CDH4: variants seen among roughly 807,000 people sequenced by gnomAD.
The protein encoded by CDH4 is cadherin-4.
Under a neutral mutation model 86.0 loss-of-function variants are expected in CDH4, and 33 were observed. The observed-to-expected ratio is 0.38, with a 90% confidence interval of 0.29 to 0.51. The LOEUF is 0.51. CDH4 is among the 20% of genes least tolerant of loss of function. The probability of loss-of-function intolerance (pLI) is 0.86; values close to 1 mark genes in which losing one functional copy is unlikely to be tolerated. For synonymous variants in CDH4, 555 were observed against 549.4 expected (o/e 1.01, Z -0.14); for missense variants, 1,114 against 1,307.4 (o/e 0.85, Z 2.28).
rs528647478 is a variant in CDH4, at chr20:61,428,611, C to T, written c.169+173674C>T. ...GAACAAACCACTGCCCTTTACCACGCGGACCACAGGTGTGCTGATGATAGG... is the reference window on the plus strand; with the variant it reads ...GAACAAACCACTGCCCTTTACCACGTGGACCACAGGTGTGCTGATGATAGG... On this transcript the variant is annotated intron_variant, in intron 2 of 15. Transcript: ENST00000614565. Among the ~76,000 whole-genome samples the T allele has an allele frequency of 7.9e-5, 12 of 152,276 alleles. No individual in the cohort carries two copies. The South Asian group carries it at 8.3e-4, about 11-fold the overall frequency.
chr20:61,787,553 G>T (rs779861918), intron 4 of CDH4, among the ~76,000 whole-genome samples: 1 of 152,202 alleles, frequency 6.6e-6, no homozygotes, highest in East Asian at 1.9e-4. Flanking sequence ...TGATATTTGG[G>T]TGGGGCCACA....
At chr20:61,908,713 G>T (rs2054818800) in intron 8 of CDH4, among the ~76,000 whole-genome samples, 1 of 152,226 alleles carries the variant, frequency 6.6e-6, no homozygotes, top group African/African-American at 2.4e-5. Flanking sequence ...GCACAAGTCA[G>T]CTGGGGAGGG....
At chr20:61,340,232 G>A (rs1471082553) in intron 2 of CDH4, among the ~76,000 whole-genome samples, 1 of 152,178 alleles carries the variant, frequency 6.6e-6, no homozygotes, top group Non-Finnish European at 1.5e-5. Context: ...AGGTGACGAG[G>A]AATGAGACTC....
At chr20:61,831,274 T>A (rs1981597352) in intron 4 of CDH4, among the ~76,000 whole-genome samples, 1 of 152,208 alleles carries the variant, frequency 6.6e-6, no homozygotes, top group African/African-American at 2.4e-5. Flanking sequence ...GGATAAATCA[T>A]GGTGATGGGT....
chr20:61,909,076 G>C (rs2054822408), intron 8 of CDH4, among the ~76,000 whole-genome samples: 1 of 152,214 alleles, frequency 6.6e-6, no homozygotes, highest in Admixed American at 6.5e-5. Flanking sequence ...TGGGGGTTTA[G>C]GGCTTCCACA....
At chr20:61,351,001 A>G (rs1004879940) in intron 2 of CDH4, among the ~76,000 whole-genome samples, 1 of 152,192 alleles carries the variant, frequency 6.6e-6, no homozygotes, top group African/African-American at 2.4e-5. Flanking sequence ...CTGAACGCCA[A>G]CAAACCTGTG....
intron 4 of CDH4, among the ~76,000 whole-genome samples, chr20:61,838,268 C>T (rs944291349): frequency 2.6e-5 from 4 of 152,066 alleles, no homozygotes; most frequent in Admixed American, 6.6e-5. Context: ...CTGGCAGCCC[C>T]GTGTGTGTTC....
At chr20:61,614,633 G>GT (rs2086711467) in intron 2 of CDH4, among the ~76,000 whole-genome samples, 1 of 152,156 alleles carries the variant, frequency 6.6e-6, no homozygotes, top group Non-Finnish European at 1.5e-5. Context: ...TGGACACCTA[G>GT]TTTGGGTGTT....
rs531635467 is a variant in CDH4, at chr20:61,932,272, G to A, written c.2240-713G>A. Among the ~76,000 whole-genome samples the A allele has an allele frequency of 2.7e-4, 41 of 152,170 alleles. 1 individual carries two copies. The South Asian group carries it at 8.3e-3, about 31-fold the overall frequency. On this transcript the variant is annotated intron_variant, in intron 13 of 15. Transcript: ENST00000614565. ...CGGTGAGAGGCACCCTGAGCTGGCTGCCTTCTCAAAAGGGGAGTGCAAGAG... is the reference window on the plus strand; with the variant it reads ...CGGTGAGAGGCACCCTGAGCTGGCTACCTTCTCAAAAGGGGAGTGCAAGAG...
chr20:61,335,970 G>A (rs1244726113), intron 2 of CDH4, among the ~76,000 whole-genome samples: 1 of 152,098 alleles, frequency 6.6e-6, no homozygotes, highest in Non-Finnish European at 1.5e-5. Flanking sequence ...AAGTAGAAAC[G>A]CGGCCCACAT....
At chr20:61,894,853 G>A in intron 7 of CDH4, 57 bp from the exon 8 acceptor site, 2 of 1,562,834 alleles carry the variant, frequency 1.3e-6, no homozygotes, top group Admixed American at 1.8e-5. Context: ...TAAGTGCCCT[G>A]TCAATTAAAA....
chr20:61,370,435 C>G (rs1399359414), intron 2 of CDH4: 1 of 152,310 alleles, frequency 6.6e-6, no homozygotes, highest in African/African-American at 2.4e-5. Flanking sequence ...ACGGCCTCCT[C>G]CCTCAGTCTG....
chr20:61,728,063 G>C (rs1458700783), intron 2 of CDH4, among the ~76,000 whole-genome samples: 1 of 152,228 alleles, frequency 6.6e-6, no homozygotes, highest in Non-Finnish European at 1.5e-5. Flanking sequence ...CCACCTCAGT[G>C]AGTGAGATTT....
At chr20:61,306,932 G>A (rs1261454322) in intron 2 of CDH4, among the ~76,000 whole-genome samples, 1 of 152,144 alleles carries the variant, frequency 6.6e-6, no homozygotes, top group African/African-American at 2.4e-5. Flanking sequence ...TGGCTGGGCG[G>A]GACTTCTCAT....
chr20:61,383,778 TATATATGAAGATATATATGC>T (rs145373544), intron 2 of CDH4, among the ~76,000 whole-genome samples: 24,536 of 119,870 alleles, frequency 0.2, 3,600 homozygotes, highest in East Asian at 0.41. Context: ...TATATATGCA[TATATATGAAGATATATATGC>T]ATATATATGA....
chr20:61,845,414 AG>A (rs1401432887), intron 5 of CDH4, among the ~76,000 whole-genome samples: 1 of 152,168 alleles, frequency 6.6e-6, no homozygotes, highest in African/African-American at 2.4e-5. Flanking sequence ...CTCAGCTTCC[AG>A]GGGGCGGGCC....
intron 2 of CDH4, among the ~76,000 whole-genome samples, chr20:61,626,531 C>T (rs1030015343): frequency 1.3e-5 from 2 of 152,160 alleles, no homozygotes; most frequent in Non-Finnish European, 2.9e-5. Context: ...AGAGGATGGA[C>T]GGGTTCACTG....
chr20:61,520,057 T>C (rs548830289), intron 2 of CDH4, among the ~76,000 whole-genome samples: 19 of 152,314 alleles, frequency 1.2e-4, no homozygotes, highest in African/African-American at 4.6e-4. Flanking sequence ...TGACTATCCA[T>C]TGATCTGCCT....
At chr20:61,354,765 G>C (rs777214657) in intron 2 of CDH4, among the ~76,000 whole-genome samples, 2 of 152,192 alleles carry the variant, frequency 1.3e-5, no homozygotes, top group Admixed American at 1.3e-4. Flanking sequence ...TCGTCCCGGG[G>C]ATGACCAGCC....
Sources: allele counts gnomAD v4.1 joint callset (sites outside exome capture counted in the v4.1 genomes callset), GRCh38; gene constraint gnomAD v4.1.1; transcripts MANE v1.5; gene names NCBI Gene and HGNC (gene_info 2026-07-23, HGNC 2026-07-21).